Variants in RAF1 observed in about 807,000 individuals in gnomAD.
RAF1 encodes the protein RAF proto-oncogene serine/threonine-protein kinase.
RAF1 carries 27 observed loss-of-function variants against 81.1 expected under a neutral mutation model. That is an observed-to-expected ratio of 0.33 (90% CI 0.25 to 0.46). RAF1 has a LOEUF of 0.46. RAF1 is among the 20% of genes least tolerant of loss of function. The probability of loss-of-function intolerance (pLI) is 1.00; values close to 1 mark genes in which losing one functional copy is unlikely to be tolerated. For missense variants in RAF1, 598 were observed against 826.0 expected (o/e 0.72, Z 3.38); for synonymous variants, 298 against 294.0 (o/e 1.01, Z -0.14).
chr3:12,597,531 A>G (rs1436200210), intron 11 of RAF1, among the ~76,000 whole-genome samples: 1 of 152,232 alleles, frequency 6.6e-6, no homozygotes, highest in East Asian at 1.9e-4. Context: ...AACTACTAGC[A>G]GCCTTGTTAT....
chr3:12,600,006 C>A, intron 10 of RAF1, 146 bp downstream of exon 9: 3 of 1,403,164 alleles, frequency 2.1e-6, no homozygotes, highest in South Asian at 1.2e-5. Context: ...GCAAGTGTGC[C>A]AAAAATGACA....
At chr3:12,620,454 C>T (rs1195121409) in intron 1 of RAF1, among the ~76,000 whole-genome samples, 3 of 151,586 alleles carry the variant, frequency 2.0e-5, no homozygotes, top group African/African-American at 4.9e-5. Context: ...ATCCCTTCCT[C>T]CATCCACACT....
At chr3:12,629,175 T>C (rs183653158) in intron 1 of RAF1, among the ~76,000 whole-genome samples, 4 of 152,326 alleles carry the variant, frequency 2.6e-5, no homozygotes, top group Admixed American at 2.0e-4. Context: ...ATCCACATGT[T>C]AAATATTAAA....
chr3:12,645,798 C>T (rs1440569384), intron 1 of RAF1, among the ~76,000 whole-genome samples: 3 of 152,068 alleles, frequency 2.0e-5, no homozygotes, highest in Non-Finnish European at 2.9e-5. Flanking sequence ...TAGTCTCGAA[C>T]TCCTGGCCTC....
chr3:12,660,891 T>C (rs1442695964), intron 1 of RAF1, among the ~76,000 whole-genome samples: 1 of 152,082 alleles, frequency 6.6e-6, no homozygotes, highest in Non-Finnish European at 1.5e-5. Context: ...AGGAGAATGC[T>C]TAAACCCAGG....
chr3:12,632,396 C>T (rs2059892269), intron 1 of RAF1, among the ~76,000 whole-genome samples: 1 of 151,190 alleles, frequency 6.6e-6, no homozygotes, highest in African/African-American at 2.4e-5. Context: ...CAATGGATCA[C>T]TGTCTGTTTT....
intron 11 of RAF1, chr3:12,599,246 G>A (rs5746229): frequency 5.9e-6 from 1 of 170,468 alleles, no homozygotes; most frequent in East Asian, 1.5e-4. Flanking sequence ...ACAAAGAGAA[G>A]TTACTTCAGG....
chr3:12,646,361 G>T (rs1020750547), intron 1 of RAF1, among the ~76,000 whole-genome samples: 1 of 143,692 alleles, frequency 7.0e-6, no homozygotes, highest in East Asian at 1.9e-4. Flanking sequence ...ATATAATAAC[G>T]ATATTACCGG....
At chr3:12,642,085 T>G (rs1454651647) in intron 1 of RAF1, among the ~76,000 whole-genome samples, 1 of 151,684 alleles carries the variant, frequency 6.6e-6, no homozygotes, top group East Asian at 1.9e-4. Flanking sequence ...GAGGCAGTGG[T>G]TGCAGTGAGC....
chr3:12,639,153 CTTCAACAAAA>C (rs1173501498), intron 1 of RAF1, among the ~76,000 whole-genome samples: 1 of 152,054 alleles, frequency 6.6e-6, no homozygotes, highest in African/African-American at 2.4e-5. Flanking sequence ...CAGAAAAGGC[CTTCAACAAAA>C]TTCAACAGCC....
chr3:12,609,397 C>T, intron 3 of RAF1, 62 bp from the exon 4 acceptor site: 1 of 1,069,368 alleles, frequency 9.4e-7, no homozygotes, highest in South Asian at 1.3e-5. Flanking sequence ...ATAGAAATAA[C>T]AACAGCTACC....
At chr3:12,637,467 G>A (rs1384373488) in intron 1 of RAF1, among the ~76,000 whole-genome samples, 7 of 151,394 alleles carry the variant, frequency 4.6e-5, no homozygotes, top group Admixed American at 1.3e-4. Context: ...GTTTCGACAC[G>A]TTGACCAGGC....
intron 1 of RAF1, among the ~76,000 whole-genome samples, chr3:12,656,813 A>G (rs1415469178): frequency 6.6e-6 from 1 of 152,092 alleles, no homozygotes; most frequent in Admixed American, 6.6e-5. Context: ...TCTGGCCAAC[A>G]TCATGAAACC....
intron 1 of RAF1, among the ~76,000 whole-genome samples, chr3:12,651,204 A>T (rs2125563722): frequency 6.6e-6 from 1 of 152,192 alleles, no homozygotes; most frequent in East Asian, 1.9e-4. Flanking sequence ...GGATCTTTTA[A>T]CCCCTTCTTT....
At chr3:12,648,080 C>T (rs2060409760) in intron 1 of RAF1, among the ~76,000 whole-genome samples, 1 of 152,176 alleles carries the variant, frequency 6.6e-6, no homozygotes, top group Admixed American at 6.5e-5. Context: ...TTTTAAATCA[C>T]ATTGTCTGGA....
chr3:12,628,750 TTGG>T (rs1226743750), intron 1 of RAF1, among the ~76,000 whole-genome samples: 1 of 41,394 alleles, frequency 2.4e-5, no homozygotes, highest in African/African-American at 7.1e-5. Flanking sequence ...GAGACTATTT[TTGG>T]GGGGGGGGGG....
chr3:12,642,731 G>C (rs1467237988), intron 1 of RAF1, among the ~76,000 whole-genome samples: 1 of 134,214 alleles, frequency 7.5e-6, no homozygotes, highest in Non-Finnish European at 1.6e-5. Flanking sequence ...AAATAGCTGC[G>C]TATGGTGGCA....
rs536560139 is a variant in RAF1, at chr3:12,613,385, G to A, written c.208-1323C>T. Among the ~76,000 whole-genome samples the A allele has an allele frequency of 2.6e-4, 40 of 152,208 alleles. No homozygotes were observed. In the South Asian group the frequency reaches 7.5e-3, roughly 28 times the overall value. ...CCTCTGATTGAAAGTGCTAACAGCTGACAGCAGCCAGCCAACCGCTCCCCC... is the reference window on the plus strand; with the variant it reads ...CCTCTGATTGAAAGTGCTAACAGCTAACAGCAGCCAGCCAACCGCTCCCCC... On this transcript the variant is annotated intron_variant, in intron 2 of 17. Coordinates refer to ENST00000442415, the MANE Select transcript of RAF1 (RefSeq NM_001354689.3).
At chr3:12,628,568 C>G (rs1437344521) in intron 1 of RAF1, among the ~76,000 whole-genome samples, 1 of 152,000 alleles carries the variant, frequency 6.6e-6, no homozygotes, top group African/African-American at 2.4e-5. Flanking sequence ...TCATGTATTT[C>G]ATTATCGTGT....
Sources: gnomAD v4.1 joint callset for allele counts (sites outside exome capture counted in the v4.1 genomes callset) on GRCh38, gnomAD v4.1.1 for gene constraint, MANE v1.5 for transcripts, NCBI Gene and HGNC (gene_info 2026-07-23, HGNC 2026-07-21) for gene names.